The following CMTM7 variants were observed in gnomAD, a reference collection of about 807,000 sequenced individuals.
CMTM7 encodes CKLF-like MARVEL transmembrane domain-containing protein 7.
CMTM7 carries 7 observed loss-of-function variants against 19.3 expected under a neutral mutation model. That is an observed-to-expected ratio of 0.36 (90% CI 0.21 to 0.68). The LOEUF (loss-of-function observed/expected upper bound fraction) is 0.68, where lower values mean the gene tolerates loss of function less well. Ranked by LOEUF, CMTM7 falls within the 30% of genes least tolerant of loss-of-function variation. CMTM7 has a pLI of 0.60. For synonymous variants in CMTM7, 87 were observed against 99.3 expected (o/e 0.88, Z 0.74); for missense variants, 193 against 232.6 (o/e 0.83, Z 1.11).
chr3:32,451,113 G>C (rs1696823340), intron 3 of CMTM7: 1 of 152,168 alleles, frequency 6.6e-6, no homozygotes, highest in African/African-American at 2.4e-5. Flanking sequence ...TGAGAGGCCG[G>C]GACAGGCTCT....
At chr3:32,430,681 A>ATGTGGGTGTGTGTGTGTGTGTG (rs1696503549) in intron 1 of CMTM7, among the ~76,000 whole-genome samples, 1 of 133,932 alleles carries the variant, frequency 7.5e-6, no homozygotes, top group Non-Finnish European at 1.6e-5. Flanking sequence ...CTACATCTGA[A>ATGTGGGTGTGTGTGTGTGTGTG]TGTGTGTGTG....
intron 1 of CMTM7, among the ~76,000 whole-genome samples, chr3:32,439,943 C>G (rs915025824): frequency 2.6e-5 from 4 of 152,156 alleles, no homozygotes; most frequent in African/African-American, 9.7e-5. Context: ...CCACTAAATG[C>G]CAGTAGCAAC....
chr3:32,422,469 G>T (rs78012114), intron 1 of CMTM7, among the ~76,000 whole-genome samples: 2 of 152,320 alleles, frequency 1.3e-5, no homozygotes, highest in East Asian at 1.9e-4. Context: ...CTGTGTCAAG[G>T]TTCCTTAGGA....
intron 1 of CMTM7, among the ~76,000 whole-genome samples, chr3:32,398,341 C>G (rs1011847055): frequency 1.3e-5 from 2 of 152,056 alleles, no homozygotes; most frequent in Non-Finnish European, 2.9e-5. Flanking sequence ...ATTTCACAAG[C>G]GGCAATGATG....
At chr3:32,415,198 T>TAAG (rs772212859) in intron 1 of CMTM7, among the ~76,000 whole-genome samples, 1 of 151,256 alleles carries the variant, frequency 6.6e-6, no homozygotes, top group Admixed American at 6.6e-5. Flanking sequence ...TGTCTCAAAA[T>TAAG]AATAATAATA....
intron 1 of CMTM7, among the ~76,000 whole-genome samples, chr3:32,399,011 G>A (rs986172906): frequency 1.1e-4 from 16 of 152,060 alleles, no homozygotes; most frequent in Admixed American, 5.9e-4. Context: ...GAAAGAGCAC[G>A]GACCCTGGCT....
At chr3:32,426,782 T>C (rs1178140354) in intron 1 of CMTM7, among the ~76,000 whole-genome samples, 1 of 152,236 alleles carries the variant, frequency 6.6e-6, no homozygotes, top group Non-Finnish European at 1.5e-5. Context: ...GTTTTAAAAT[T>C]ATTAGAGGTG....
intron 3 of CMTM7, chr3:32,451,989 A>T (rs1373511556): frequency 3.1e-6 from 3 of 965,366 alleles, no homozygotes; most frequent in African/African-American, 3.3e-5. Flanking sequence ...CAACGCCACT[A>T]CACCACAAAT....
chr3:32,452,215 C>T (rs570545489), intron 3 of CMTM7, 177 bp from the exon 4 acceptor site: 405 of 1,507,764 alleles, frequency 2.7e-4, no homozygotes, highest in Admixed American at 4.1e-4. Flanking sequence ...GGCTGGGCCT[C>T]GCGGGGCTTC....
chr3:32,431,896 C>G (rs560203859), intron 1 of CMTM7, among the ~76,000 whole-genome samples: 4 of 152,342 alleles, frequency 2.6e-5, no homozygotes, highest in African/African-American at 7.2e-5. Flanking sequence ...CTTTGGGAGA[C>G]CGAGGTGAGC....
intron 1 of CMTM7, among the ~76,000 whole-genome samples, chr3:32,433,566 G>A (rs1481911051): frequency 6.6e-6 from 1 of 152,190 alleles, no homozygotes; most frequent in Non-Finnish European, 1.5e-5. Context: ...TCTGAGGGCA[G>A]CCTCCAAAAG....
chr3:32,405,483 C>T (rs1193329416), intron 1 of CMTM7, among the ~76,000 whole-genome samples: 1 of 152,178 alleles, frequency 6.6e-6, no homozygotes, highest in African/African-American at 2.4e-5. Context: ...AGTTATTGCT[C>T]TTGGCATCCT....
chr3:32,450,697 C>T (rs1445453717), intron 3 of CMTM7, among the ~76,000 whole-genome samples: 2 of 152,204 alleles, frequency 1.3e-5, no homozygotes, highest in South Asian at 2.1e-4. Context: ...TGAAGCTTAA[C>T]ACCTGCCCAG....
chr3:32,415,750 G>A (rs1385616060), intron 1 of CMTM7, among the ~76,000 whole-genome samples: 1 of 152,162 alleles, frequency 6.6e-6, no homozygotes, highest in Non-Finnish European at 1.5e-5. Context: ...AGTTAGCTGG[G>A]TCTGTTCTTG....
rs117102330 is a variant in CMTM7, at chr3:32,430,077, G to T, written c.160-11763G>T. 1.1e-3 allele frequency among the ~76,000 whole-genome samples: 170 copies of T among 152,244 alleles called. 3 individuals are homozygous for T. In the East Asian group the frequency reaches 0.03, roughly 27 times the overall value. On this transcript the variant is annotated intron_variant, in intron 1 of 4. Coordinates refer to ENST00000334983, the MANE Select transcript of CMTM7 (RefSeq NM_138410.4). ...TGTTATTGTTTAACAGCTTTATTGA[G>T]ATACAACTTAATATCAAAAGAGTCG... is the stretch of plus-strand genomic sequence containing the variant.
intron 1 of CMTM7, among the ~76,000 whole-genome samples, chr3:32,392,945 T>A (rs553956171): frequency 1.1e-4 from 17 of 152,320 alleles, no homozygotes; most frequent in South Asian, 1.0e-3. Flanking sequence ...CTTTTCCGTT[T>A]GTATGATGTG....
intron 1 of CMTM7, among the ~76,000 whole-genome samples, chr3:32,408,354 G>A (rs1034304414): frequency 6.6e-6 from 1 of 152,196 alleles, no homozygotes; most frequent in South Asian, 2.1e-4. Flanking sequence ...CTTCAACATT[G>A]TAGACTGTAG....
At chr3:32,428,859 C>T (rs536876357) in intron 1 of CMTM7, among the ~76,000 whole-genome samples, 58 of 152,282 alleles carry the variant, frequency 3.8e-4, no homozygotes, top group African/African-American at 1.3e-3. Flanking sequence ...CGTGGAAAGC[C>T]GCAGATAACA....
chr3:32,402,185 C>T (rs1696019746), intron 1 of CMTM7, among the ~76,000 whole-genome samples: 1 of 152,146 alleles, frequency 6.6e-6, no homozygotes, highest in Non-Finnish European at 1.5e-5. Flanking sequence ...AATCTTGGCT[C>T]ACTGCAGCCT....
Sources: allele counts gnomAD v4.1 joint callset (sites outside exome capture counted in the v4.1 genomes callset), GRCh38; gene constraint gnomAD v4.1.1; transcripts MANE v1.5; gene names NCBI Gene and HGNC (gene_info 2026-07-23, HGNC 2026-07-21).